The following ASB3 variants were observed in gnomAD, a reference collection of about 807,000 sequenced individuals.
ASB3 encodes ankyrin repeat and SOCS box containing 3, also known as ankyrin repeat and SOCS box protein 3.
In ASB3, 41 loss-of-function variants were observed where a neutral mutation model predicts 54.5. The ratio of observed to expected loss-of-function variants is 0.75; its 90% CI spans 0.59 to 0.98. ASB3 has a LOEUF of 0.98. Ranked by LOEUF, ASB3 falls within the 50% of genes least tolerant of loss-of-function variation. ASB3 has a pLI of 0.00. For synonymous variants in ASB3, 266 were observed against 221.2 expected (o/e 1.20, Z -1.80); for missense variants, 733 against 620.0 (o/e 1.18, Z -1.94).
intron 3 of ASB3, among the ~76,000 whole-genome samples, chr2:53,731,003 C>T (rs747576110): frequency 4.6e-5 from 7 of 152,232 alleles, no homozygotes; most frequent in Non-Finnish European, 1.0e-4. Context: ...GATAAGCGTG[C>T]TTATTACTGA....
chr2:53,752,852 A>T (rs1343406934), intron 2 of ASB3, among the ~76,000 whole-genome samples: 1 of 152,228 alleles, frequency 6.6e-6, no homozygotes, highest in African/African-American at 2.4e-5. Flanking sequence ...GCAGTAAGAG[A>T]CTAAGAAAGA....
At chr2:53,693,418 C>A (rs1416071757) in intron 9 of ASB3, among the ~76,000 whole-genome samples, 1 of 152,072 alleles carries the variant, frequency 6.6e-6, no homozygotes, top group African/African-American at 2.4e-5. Context: ...ACCATACCAA[C>A]AGACTGATAC....
At chr2:53,673,396 A>G (rs1249787657) in intron 9 of ASB3, among the ~76,000 whole-genome samples, 4 of 152,218 alleles carry the variant, frequency 2.6e-5, no homozygotes, top group Non-Finnish European at 5.9e-5. Flanking sequence ...TTAAAATTCT[A>G]TGGGCTGACT....
chr2:53,732,267 C>T (rs1671363144), intron 3 of ASB3, among the ~76,000 whole-genome samples: 1 of 151,876 alleles, frequency 6.6e-6, no homozygotes, highest in South Asian at 2.1e-4. Context: ...GGCCCCACAA[C>T]AGCTTTAAAA....
chr2:53,766,770 A>C (rs1673486768), intron 1 of ASB3, among the ~76,000 whole-genome samples: 4 of 152,310 alleles, frequency 2.6e-5, no homozygotes, highest in African/African-American at 9.6e-5. Flanking sequence ...CAACTTAGAG[A>C]AAATAGGAAA....
intron 7 of ASB3, among the ~76,000 whole-genome samples, chr2:53,709,494 T>G (rs577096463): frequency 1.3e-5 from 2 of 152,162 alleles, no homozygotes; most frequent in Non-Finnish European, 2.9e-5. Flanking sequence ...GGAGAGAGCC[T>G]GGAACACTGA....
In ASB3 at chr2:53,707,601, C is replaced by T. The variant is rs549857366; in HGVS notation, c.980+6783G>A. Among the ~76,000 whole-genome samples the T allele has an allele frequency of 6.6e-5, 10 of 150,476 alleles. 1 individual carries two copies. Among genetic ancestry groups the T allele is most frequent in the Non-Finnish European group, 8.9e-5 (6 of 67,784 alleles). ...GGCAGAGCTTGCAGTGAGCTGAGATCGCACCACTGCACTCCAGCCTGGGCG... is the reference window on the plus strand; with the variant it reads ...GGCAGAGCTTGCAGTGAGCTGAGATTGCACCACTGCACTCCAGCCTGGGCG... On this transcript the variant is annotated intron_variant, in intron 7 of 9. Transcript: ENST00000263634.
At chr2:53,763,395 C>T (rs13397311) in intron 2 of ASB3, 40,588 of 169,052 alleles carry the variant, frequency 0.24, 6,268 homozygotes, top group East Asian at 0.55. Flanking sequence ...TCTGTATCCA[C>T]GGGTTTTGCA....
intron 3 of ASB3, among the ~76,000 whole-genome samples, chr2:53,737,753 C>T (rs1408595518): frequency 6.9e-6 from 1 of 145,306 alleles, no homozygotes; most frequent in Non-Finnish European, 1.5e-5. Context: ...AAGACTGCCA[C>T]AAATTCTGAA....
chr2:53,732,374 G>A (rs1671369695), intron 3 of ASB3, among the ~76,000 whole-genome samples: 2 of 152,050 alleles, frequency 1.3e-5, no homozygotes, highest in Admixed American at 6.5e-5. Flanking sequence ...ATTTTGGGTG[G>A]AGGTCATAAA....
rs560607905 is a variant in ASB3, at chr2:53,757,369, G to A, written c.197-6428C>T. Among the ~76,000 whole-genome samples, 4 of 152,320 alleles carry A rather than the reference G, an allele frequency of 2.6e-5. No homozygotes were observed. The East Asian group carries it at 7.7e-4, about 29-fold the overall frequency. On this transcript the variant is annotated intron_variant, in intron 2 of 9. Transcript: ENST00000263634. ...AATTTTCCTGGGGAGGCCGAGGGCC[G>A]ACTAGAGGCAGAAAGCTGTCGTCCC...
At chr2:53,684,166 T>C (rs932630594) in intron 9 of ASB3, among the ~76,000 whole-genome samples, 3 of 152,190 alleles carry the variant, frequency 2.0e-5, no homozygotes, top group South Asian at 4.1e-4. Context: ...AAGGAATTAA[T>C]AACTAGATTC....
In ASB3 at chr2:53,714,467, T is replaced by C; in HGVS notation, c.897A>G (p.Leu299=). 1.2e-6 allele frequency: 2 copies of C among 1,614,212 alleles called. No homozygotes were observed. The highest frequency in any genetic ancestry group is 1.7e-5 in the Admixed American group (1 of 60,028). The change falls in exon 7 of 10, where the codon TTA becomes TTG. Residue 299 remains leucine (L), a synonymous_variant. Transcript: ENST00000263634. ...FGGHEDCLEI[L]LRNGYSPDAQ... ...CGTCTGGGCTGTAGCCATTCCGGAGTAATATTTCTAGGCAATCTTCATGTC... is the reference window on the plus strand; with the variant it reads ...CGTCTGGGCTGTAGCCATTCCGGAGCAATATTTCTAGGCAATCTTCATGTC...
At chr2:53,687,149 A>G (rs1307832199) in intron 9 of ASB3, among the ~76,000 whole-genome samples, 6 of 152,204 alleles carry the variant, frequency 3.9e-5, no homozygotes, top group African/African-American at 1.4e-4. Context: ...CCACAAAAAC[A>G]AAACCCAAAA....
At chr2:53,783,093 T>TA (rs1674744753) in intron 1 of ASB3, among the ~76,000 whole-genome samples, 1 of 151,840 alleles carries the variant, frequency 6.6e-6, no homozygotes, top group Non-Finnish European at 1.5e-5. Context: ...TTTTTTGAAG[T>TA]AAAAGCACAA....
At chr2:53,764,364 G>A (rs1673317716) in intron 2 of ASB3, among the ~76,000 whole-genome samples, 1 of 152,156 alleles carries the variant, frequency 6.6e-6, no homozygotes, top group African/African-American at 2.4e-5. Context: ...AGAGAAATGG[G>A]TTCAAATCAA....
At chr2:53,736,090 A>C (rs1033226670) in intron 3 of ASB3, among the ~76,000 whole-genome samples, 4 of 152,150 alleles carry the variant, frequency 2.6e-5, no homozygotes, top group African/African-American at 9.6e-5. Flanking sequence ...AATAAACATA[A>C]AGGTAAATAG....
intron 1 of ASB3, chr2:53,767,122 T>C (rs1673516892): frequency 6.6e-6 from 1 of 152,182 alleles, no homozygotes; most frequent in Non-Finnish European, 1.5e-5. Flanking sequence ...CAAATTCAGG[T>C]TCCCCAGCTC....
intron 9 of ASB3, 33 bp downstream of exon 9, chr2:53,693,850 TA>T (rs781329085): frequency 3.7e-6 from 6 of 1,602,384 alleles, no homozygotes; most frequent in Non-Finnish European, 4.3e-6. Flanking sequence ...GAAGGAAAAG[TA>T]GTGAAGTGTG....
Sources: gnomAD v4.1 joint callset for allele counts (sites outside exome capture counted in the v4.1 genomes callset) on GRCh38, gnomAD v4.1.1 for gene constraint, MANE v1.5 for transcripts, NCBI Gene and HGNC (gene_info 2026-07-23, HGNC 2026-07-21) for gene names.